NFXL1: variants seen among roughly 807,000 people sequenced by gnomAD.
NFXL1 encodes the protein NF-X1-type zinc finger protein NFXL1.
A neutral mutation model predicts 123.3 loss-of-function variants in NFXL1; 66 were observed. The ratio of observed to expected loss-of-function variants is 0.54; its 90% CI spans 0.44 to 0.66. The LOEUF (loss-of-function observed/expected upper bound fraction) is 0.66, where lower values mean the gene tolerates loss of function less well. Among genes scored for constraint, NFXL1 ranks in the 30% least tolerant of loss-of-function variants. The probability of loss-of-function intolerance (pLI) is 0.00; values close to 1 mark genes in which losing one functional copy is unlikely to be tolerated. For missense variants in NFXL1, 944 were observed against 1,125.6 expected, an observed-to-expected ratio of 0.84 and a Z score of 2.31; for synonymous variants, 346 against 360.8, an observed-to-expected ratio of 0.96 and a Z score of 0.46.
chr4:47,871,993 A>C (rs918672244), intron 18 of NFXL1, among the ~76,000 whole-genome samples: 2 of 152,208 alleles, frequency 1.3e-5, no homozygotes, highest in African/African-American at 4.8e-5. Flanking sequence ...AAATTATGTT[A>C]TATCATTATT....
chr4:47,909,684 A>T (rs932503301), intron 3 of NFXL1, among the ~76,000 whole-genome samples: 2 of 150,808 alleles, frequency 1.3e-5, no homozygotes, highest in Non-Finnish European at 2.9e-5. Flanking sequence ...ATTGAGACGG[A>T]GTCTTGCTCT....
At chr4:47,883,298 T>C (rs1469884884) in intron 15 of NFXL1, among the ~76,000 whole-genome samples, 1 of 152,116 alleles carries the variant, frequency 6.6e-6, no homozygotes, top group Non-Finnish European at 1.5e-5. Flanking sequence ...TAGGTACTTA[T>C]GACCTAATTA....
intron 18 of NFXL1, among the ~76,000 whole-genome samples, chr4:47,871,503 T>A (rs1735430451): frequency 6.6e-6 from 1 of 152,264 alleles, no homozygotes. Context: ...GTGTTGTTCT[T>A]GAGAGCTTTT....
At chr4:47,883,313 G>C (rs1293702635) in intron 15 of NFXL1, among the ~76,000 whole-genome samples, 1 of 151,794 alleles carries the variant, frequency 6.6e-6, no homozygotes, top group East Asian at 1.9e-4. Context: ...TAATTACTCA[G>C]GTAATTATGA....
intron 4 of NFXL1, 123 bp from the exon 5 acceptor site, chr4:47,903,446 C>A (rs1737433091): frequency 3.9e-6 from 2 of 511,038 alleles, no homozygotes; most frequent in Non-Finnish European, 6.2e-6. Context: ...GAAAAAAGGT[C>A]TTTCCTTCCA....
chr4:47,908,461 C>T (rs983483420), intron 3 of NFXL1, among the ~76,000 whole-genome samples: 7 of 151,134 alleles, frequency 4.6e-5, no homozygotes, highest in Non-Finnish European at 8.8e-5. Context: ...TCTTTATTTG[C>T]GTTTATGCTA....
chr4:47,893,412 G>A (rs897074141), intron 11 of NFXL1, among the ~76,000 whole-genome samples: 14 of 152,064 alleles, frequency 9.2e-5, no homozygotes, highest in African/African-American at 3.4e-4. Flanking sequence ...ACAAACTGCT[G>A]TAAACTGGTG....
chr4:47,862,973 T>C, intron 18 of NFXL1, 58 bp from the exon 19 acceptor site: 2 of 910,344 alleles, frequency 2.2e-6, no homozygotes, highest in Non-Finnish European at 3.5e-6. Context: ...GCATAATTTT[T>C]CTAAAAATAA....
chr4:47,885,958 TAC>T lies in NFXL1; in HGVS notation c.1583_1584del (p.Cys528Ter). 6.2e-7 allele frequency: 1 copy of T among 1,613,710 alleles called. No homozygotes were observed. The highest frequency in any genetic ancestry group is 8.5e-7 in the Non-Finnish European group (1 of 1,179,682). ...ACTGTCACCTTTGTATTGCCACAAT[TAC>T]ACTTCACATCTACGGTTTCTGGGCA... ...YPCPETVDVK[C>X]NCGNTKVTVP... On this transcript the variant is annotated frameshift_variant, in exon 13 of 23. Coordinates refer to ENST00000507489, the MANE Select transcript of NFXL1 (RefSeq NM_001278624.2). LOFTEE classifies it high-confidence loss of function.
rs1445075867 is a variant in NFXL1 at position 47,865,700 on chromosome 4, A to G, written c.2247-2785T>C. Among the ~76,000 whole-genome samples, 3 of 152,204 alleles carry G rather than the reference A, an allele frequency of 2.0e-5. No individual in the cohort carries two copies. The East Asian group carries it at 5.8e-4, about 29-fold the overall frequency. ...TAACTAAAGGGAATGGATTTTAACA[A>G]GTACACCAGGCTGGGTGCAGTGGCT... On this transcript the variant is annotated intron_variant, in intron 18 of 22. Transcript: ENST00000507489.
At chr4:47,894,354 C>A (rs912501182) in intron 10 of NFXL1, 52 bp from the exon 11 acceptor site, 8 of 1,355,898 alleles carry the variant, frequency 5.9e-6, no homozygotes, top group Non-Finnish European at 8.0e-6. Flanking sequence ...AATATTTTTT[C>A]CTCACATTGC....
chr4:47,914,245 G>A, intron 1 of NFXL1, 40 bp from the exon 2 acceptor site: 1 of 1,393,372 alleles, frequency 7.2e-7, no homozygotes. Context: ...GGAAGGAGGT[G>A]AGCGCAGCGA....
chr4:47,851,746 T>C, intron 21 of NFXL1, 110 bp downstream of exon 21: 1 of 702,378 alleles, frequency 1.4e-6, no homozygotes, highest in Non-Finnish European at 2.4e-6. Flanking sequence ...AGGCTTTTAT[T>C]ATAAAAGCAA....
chr4:47,890,342 A>G (rs1157562228), intron 12 of NFXL1, among the ~76,000 whole-genome samples: 1 of 152,160 alleles, frequency 6.6e-6, no homozygotes, highest in African/African-American at 2.4e-5. Flanking sequence ...GGTGTTATAG[A>G]AAGGACAATA....
intron 15 of NFXL1, among the ~76,000 whole-genome samples, chr4:47,883,726 T>C (rs1420286914): frequency 6.6e-6 from 1 of 152,164 alleles, no homozygotes; most frequent in East Asian, 1.9e-4. Context: ...ACACCAGAAA[T>C]ACCAATGTTT....
At chr4:47,895,457 A>G (rs1737030309) in intron 10 of NFXL1, among the ~76,000 whole-genome samples, 2 of 152,150 alleles carry the variant, frequency 1.3e-5, no homozygotes, top group Non-Finnish European at 2.9e-5. Flanking sequence ...CCTTAGCTAG[A>G]TCATCTGGAT....
intron 3 of NFXL1, among the ~76,000 whole-genome samples, chr4:47,905,911 A>T (rs2110106017): frequency 6.6e-6 from 1 of 152,204 alleles, no homozygotes; most frequent in South Asian, 2.1e-4. Flanking sequence ...GCTTTTTAGA[A>T]AAAACAGTAC....
chr4:47,913,339 G>T (rs1338048776), intron 2 of NFXL1, among the ~76,000 whole-genome samples: 1 of 152,202 alleles, frequency 6.6e-6, no homozygotes, highest in African/African-American at 2.4e-5. Context: ...CACCAGATAT[G>T]TCCACAGAAG....
chr4:47,911,530 A>G (rs1443601077), intron 2 of NFXL1, among the ~76,000 whole-genome samples: 3 of 152,242 alleles, frequency 2.0e-5, no homozygotes, highest in East Asian at 1.9e-4. Context: ...TGCACCCACT[A>G]TATTTACAAT....
Sources: allele counts gnomAD v4.1 joint callset (sites outside exome capture counted in the v4.1 genomes callset), GRCh38; gene constraint gnomAD v4.1.1; transcripts MANE v1.5; gene names NCBI Gene and HGNC (gene_info 2026-07-23, HGNC 2026-07-21).